The following PPM1H variants were observed in gnomAD, a reference collection of about 807,000 sequenced individuals.
PPM1H encodes the protein protein phosphatase, Mg2+/Mn2+ dependent 1H.
PPM1H carries 27 observed loss-of-function variants against 54.9 expected under a neutral mutation model. That is an observed-to-expected ratio of 0.49 (90% CI 0.36 to 0.68). The LOEUF is 0.68. Ranked by LOEUF, PPM1H falls within the 30% of genes least tolerant of loss-of-function variation. The pLI is 0.00. For missense variants in PPM1H, 596 were observed against 667.8 expected (o/e 0.89, Z 1.19); for synonymous variants, 305 against 270.8 (o/e 1.13, Z -1.24).
chr12:62,710,478 G>A (rs1261307334), intron 6 of PPM1H, among the ~76,000 whole-genome samples: 3 of 150,672 alleles, frequency 2.0e-5, no homozygotes. Context: ...GTTGCAGTGG[G>A]CTGAGATCAC....
chr12:62,858,062 T>TACC lies in PPM1H; in HGVS notation c.246-25786_246-25784dup, dbSNP rs144385020. On this transcript the variant is annotated intron_variant, in intron 1 of 9. Transcript: ENST00000228705. ...TGCAATGGATCCCCAAATGGACCAT[T>TACC]ACCACCACCACCACCACCCCATCAC... Among the ~76,000 whole-genome samples, 7 of 151,566 alleles carry TACC rather than the reference T, an allele frequency of 4.6e-5. No individual in the cohort carries two copies. The East Asian group carries it at 5.9e-4, about 13-fold the overall frequency.
chr12:62,793,810 G>A (rs886858624), intron 3 of PPM1H, among the ~76,000 whole-genome samples: 1 of 150,314 alleles, frequency 6.7e-6, no homozygotes, highest in Non-Finnish European at 1.5e-5. Context: ...CAGGAAAGAA[G>A]TGCAAGAGAA....
chr12:62,926,873 G>T (rs997085483), intron 1 of PPM1H, among the ~76,000 whole-genome samples: 7 of 152,206 alleles, frequency 4.6e-5, no homozygotes, highest in Non-Finnish European at 1.0e-4. Flanking sequence ...AGAACTGCTT[G>T]CACCCGGGAG....
intron 8 of PPM1H, among the ~76,000 whole-genome samples, chr12:62,687,454 AG>A (rs929278494): frequency 5.9e-5 from 9 of 152,014 alleles, no homozygotes; most frequent in Non-Finnish European, 5.9e-5. Flanking sequence ...TGTAAGAACA[AG>A]GGTCCTGCTA....
At position 62,802,005 on chromosome 12, in the gene PPM1H, A is replaced by C; in HGVS notation, c.567T>G (p.Pro189=). ...TCTCAGGCTCCTCCCCCAGGCAGGT[A>C]GGGGGCAGGACGGCGGAGTTCTTCA... The part of the protein sequence containing the change: ...DILKNSAVLP[P]TCLGEEPENT... Residue 189 remains proline, a synonymous_variant, in exon 3 of 10, where the codon CCT becomes CCG. Transcript: ENST00000228705. 1 of 1,613,364 alleles carries C rather than the reference A, an allele frequency of 6.2e-7. No individual in the cohort carries two copies. Among genetic ancestry groups the C allele is most frequent in the Non-Finnish European group, 8.5e-7 (1 of 1,179,682 alleles).
intron 1 of PPM1H, among the ~76,000 whole-genome samples, chr12:62,927,408 C>T (rs1872002771): frequency 6.6e-6 from 1 of 152,048 alleles, no homozygotes; most frequent in South Asian, 2.1e-4. Flanking sequence ...GCCTGTCATC[C>T]CTACATTTTG....
At chr12:62,852,702 G>A (rs1318421936) in intron 1 of PPM1H, among the ~76,000 whole-genome samples, 1 of 152,178 alleles carries the variant, frequency 6.6e-6, no homozygotes, top group Non-Finnish European at 1.5e-5. Context: ...TGGTTACGTG[G>A]TGCCACCTCA....
intron 8 of PPM1H, among the ~76,000 whole-genome samples, chr12:62,682,071 C>T (rs1445776036): frequency 6.6e-6 from 1 of 152,196 alleles, no homozygotes; most frequent in Non-Finnish European, 1.5e-5. Context: ...AGACTGATTA[C>T]CAGTCTAAGT....
At chr12:62,702,355 C>T (rs1476143610) in intron 6 of PPM1H, among the ~76,000 whole-genome samples, 2 of 152,142 alleles carry the variant, frequency 1.3e-5, no homozygotes, top group Non-Finnish European at 2.9e-5. Flanking sequence ...AATTTTCTAA[C>T]TTGGTTTAAA....
intron 9 of PPM1H, among the ~76,000 whole-genome samples, chr12:62,658,182 ATTTTTTTTT>A (rs1173229360): frequency 0.012 from 1,081 of 87,542 alleles, 13 homozygotes; most frequent in Middle Eastern, 0.062. Flanking sequence ...AACACGGTGA[ATTTTTTTTT>A]TTTTTTTTTT....
Position 62,825,546 on chromosome 12 carries a change from T to A in PPM1H, c.411+6568A>T, listed in dbSNP as rs181926378. Among the ~76,000 whole-genome samples, 3 of 152,312 alleles carry A rather than the reference T, an allele frequency of 2.0e-5. No homozygotes were observed. In the East Asian group the frequency reaches 5.8e-4, roughly 29 times the overall value. On this transcript the variant is annotated intron_variant, in intron 2 of 9. Coordinates refer to ENST00000228705, the MANE Select transcript of PPM1H (RefSeq NM_020700.2). The stretch of plus-strand genomic sequence containing the variant: ...GGCACATATATACCACAGAATACTA[T>A]GCAGCTATAAAAACAGATGAGTTCA...
chr12:62,684,236 C>T (rs1464582113), intron 8 of PPM1H, among the ~76,000 whole-genome samples: 1 of 152,164 alleles, frequency 6.6e-6, no homozygotes, highest in Admixed American at 6.5e-5. Context: ...CCCACACCTC[C>T]AGACAACAGG....
intron 5 of PPM1H, among the ~76,000 whole-genome samples, chr12:62,724,452 C>T (rs914449532): frequency 3.3e-5 from 5 of 152,152 alleles, no homozygotes; most frequent in East Asian, 1.9e-4. Flanking sequence ...TGGGTGGCTG[C>T]GTCAGAAGAT....
intron 1 of PPM1H, among the ~76,000 whole-genome samples, chr12:62,873,328 A>C (rs770880511): frequency 2.0e-5 from 3 of 152,206 alleles, no homozygotes; most frequent in Non-Finnish European, 4.4e-5. Flanking sequence ...TCTGTCTCCA[A>C]GCTTCTGTGC....
intron 8 of PPM1H, among the ~76,000 whole-genome samples, chr12:62,688,288 G>T (rs2087577851): frequency 6.6e-6 from 1 of 152,104 alleles, no homozygotes. Context: ...AACCATGAAG[G>T]GAAAGTCAAA....
At chr12:62,899,415 T>TA (rs547067523) in intron 1 of PPM1H, among the ~76,000 whole-genome samples, 33 of 151,680 alleles carry the variant, frequency 2.2e-4, no homozygotes, top group African/African-American at 7.5e-4. Flanking sequence ...CTAAAAACAC[T>TA]AAAAAAAATT....
Position 62,885,613 on chromosome 12 carries a change from G to A in PPM1H, c.245+48879C>T, listed in dbSNP as rs148250586. On this transcript the variant is annotated intron_variant, in intron 1 of 9. Transcript: ENST00000228705. ...ACAGGGCACACACAGTAGAGGGCTG[G>A]AATCTTGGGGGTCAACTTATAATTC... is the stretch of plus-strand genomic sequence containing the variant. Among the ~76,000 whole-genome samples, 677 of 152,232 alleles carry A rather than the reference G, an allele frequency of 4.4e-3. 13 individuals are homozygous for A. Among genetic ancestry groups the A allele is most frequent in the Non-Finnish European group, 4.0e-3 (275 of 68,020 alleles).
At chr12:62,766,229 G>C (rs986779768) in intron 4 of PPM1H, among the ~76,000 whole-genome samples, 1 of 152,188 alleles carries the variant, frequency 6.6e-6, no homozygotes, top group African/African-American at 2.4e-5. Flanking sequence ...GAAAACAGGA[G>C]AGAGGGCTCT....
intron 1 of PPM1H, among the ~76,000 whole-genome samples, chr12:62,873,286 C>A (rs1026057815): frequency 2.0e-5 from 3 of 152,244 alleles, no homozygotes; most frequent in Non-Finnish European, 4.4e-5. Flanking sequence ...TCCTCAACTA[C>A]ACACATGCGC....
Sources: gnomAD v4.1 joint callset for allele counts (sites outside exome capture counted in the v4.1 genomes callset) on GRCh38, gnomAD v4.1.1 for gene constraint, MANE v1.5 for transcripts, NCBI Gene and HGNC (gene_info 2026-07-23, HGNC 2026-07-21) for gene names.